The following MARCHF3 variants were observed in gnomAD, a reference collection of about 807,000 sequenced individuals.
MARCHF3 encodes the protein E3 ubiquitin-protein ligase MARCHF3.
Under a neutral mutation model 24.2 loss-of-function variants are expected in MARCHF3, and 13 were observed. The observed-to-expected ratio is 0.54, with a 90% CI of 0.35 to 0.85. The LOEUF (loss-of-function observed/expected upper bound fraction) is 0.85. Ranked by LOEUF, MARCHF3 falls within the 40% of genes least tolerant of loss-of-function variation. The pLI is 0.01. For missense variants in MARCHF3, 276 were observed against 325.0 expected (o/e 0.85, Z 1.16); for synonymous variants, 144 against 137.3 (o/e 1.05, Z -0.34).
At chr5:127,018,770 G>C (rs1011240139) in intron 1 of MARCHF3, among the ~76,000 whole-genome samples, 2 of 152,212 alleles carry the variant, frequency 1.3e-5, no homozygotes, top group Non-Finnish European at 2.9e-5. Flanking sequence ...TCTTGGGATT[G>C]TCTTCCAAGC....
At chr5:127,005,361 C>G (rs1752272079) in intron 1 of MARCHF3, among the ~76,000 whole-genome samples, 1 of 151,988 alleles carries the variant, frequency 6.6e-6, no homozygotes, top group South Asian at 2.1e-4. Flanking sequence ...GTCTTGAACT[C>G]CTGGTGTCAA....
chr5:126,871,245 C>G (rs1250682140), intron 4 of MARCHF3, among the ~76,000 whole-genome samples: 1 of 152,186 alleles, frequency 6.6e-6, no homozygotes, highest in Non-Finnish European at 1.5e-5. Context: ...CTGCACAACT[C>G]AAAGGATCCC....
At chr5:126,885,631 ATC>A (rs1009936094) in intron 3 of MARCHF3, among the ~76,000 whole-genome samples, 7 of 152,196 alleles carry the variant, frequency 4.6e-5, no homozygotes, top group African/African-American at 1.7e-4. Context: ...ATGAATAAAC[ATC>A]TGAGATGCCA....
intron 1 of MARCHF3, among the ~76,000 whole-genome samples, chr5:126,992,766 A>ATTTTTTTTTTTTTTTTTTTTTTT (rs757479478): frequency 5.2e-5 from 5 of 95,504 alleles, no homozygotes; most frequent in East Asian, 3.3e-4. Flanking sequence ...CATCCACGTG[A>ATTTTTTTTTTTTTTTTTTTTTTT]TTTTTTTTTT....
chr5:127,012,637 CTA>C (rs1752508296), intron 1 of MARCHF3, among the ~76,000 whole-genome samples: 1 of 152,108 alleles, frequency 6.6e-6, no homozygotes, highest in African/African-American at 2.4e-5. Flanking sequence ...TTAGGTAAAA[CTA>C]TGGGCAAAAA....
chr5:126,939,749 A>G (rs1440590644), intron 1 of MARCHF3, among the ~76,000 whole-genome samples: 1 of 152,154 alleles, frequency 6.6e-6, no homozygotes, highest in African/African-American at 2.4e-5. Context: ...TCTTAGAGAA[A>G]ATGCAGGATT....
intron 3 of MARCHF3, among the ~76,000 whole-genome samples, chr5:126,892,819 G>A (rs1157218168): frequency 6.6e-6 from 1 of 150,816 alleles, no homozygotes; most frequent in African/African-American, 2.5e-5. Context: ...GAGTTAGGGA[G>A]GATTCCCTCT....
At chr5:126,956,679 A>G (rs1750459282) in intron 1 of MARCHF3, among the ~76,000 whole-genome samples, 1 of 150,690 alleles carries the variant, frequency 6.6e-6, no homozygotes, top group African/African-American at 2.4e-5. Context: ...AAACCAAAAA[A>G]ACAACAACAA....
chr5:126,970,064 T>C (rs1750951273), intron 1 of MARCHF3, among the ~76,000 whole-genome samples: 1 of 152,044 alleles, frequency 6.6e-6, no homozygotes. Context: ...GCTTATGCTC[T>C]TTTTCTTCTT....
At chr5:127,029,509 G>GA (rs2126869013) in intron 1 of MARCHF3, among the ~76,000 whole-genome samples, 1 of 152,258 alleles carries the variant, frequency 6.6e-6, no homozygotes, top group South Asian at 2.1e-4. Flanking sequence ...ATTAAGGGGG[G>GA]AAAACAATCT....
intron 1 of MARCHF3, among the ~76,000 whole-genome samples, chr5:126,987,419 G>A (rs145638368): frequency 5.9e-5 from 9 of 152,324 alleles, no homozygotes; most frequent in Non-Finnish European, 1.0e-4. Context: ...CTGCTGGCCT[G>A]TGCTATGAAT....
intron 1 of MARCHF3, among the ~76,000 whole-genome samples, chr5:126,970,228 C>T (rs1285746476): frequency 5.9e-5 from 9 of 152,064 alleles, no homozygotes; most frequent in African/African-American, 9.7e-5. Context: ...GCTGGGATTA[C>T]GGGCACATGC....
At chr5:126,962,813 C>CTG (rs60754212) in intron 1 of MARCHF3, among the ~76,000 whole-genome samples, 2,272 of 110,020 alleles carry the variant, frequency 0.021, 55 homozygotes, top group African/African-American at 0.064. Flanking sequence ...AATACTCAAC[C>CTG]TGTGTGTGTG....
At chr5:126,951,954 A>T (rs1390800998) in intron 1 of MARCHF3, among the ~76,000 whole-genome samples, 1 of 151,904 alleles carries the variant, frequency 6.6e-6, no homozygotes, top group Non-Finnish European at 1.5e-5. Context: ...TCAAGCGATT[A>T]ATCTGCCTCA....
intron 3 of MARCHF3, among the ~76,000 whole-genome samples, chr5:126,910,914 G>C (rs1476328747): frequency 2.6e-5 from 4 of 152,180 alleles, no homozygotes; most frequent in Non-Finnish European, 5.9e-5. Flanking sequence ...TTCTCAGCAA[G>C]GAACATCCCT....
intron 3 of MARCHF3, among the ~76,000 whole-genome samples, chr5:126,907,994 G>T (rs1754364608): frequency 1.3e-5 from 2 of 151,820 alleles, no homozygotes; most frequent in South Asian, 2.1e-4. Flanking sequence ...CTTCCTTCAG[G>T]AGCTCTTTTA....
At chr5:126,913,539 G>A (rs1259138523) in intron 3 of MARCHF3, among the ~76,000 whole-genome samples, 3 of 152,206 alleles carry the variant, frequency 2.0e-5, no homozygotes, top group Non-Finnish European at 4.4e-5. Context: ...TTCTGAATAT[G>A]AATTTCTGAA....
intron 3 of MARCHF3, among the ~76,000 whole-genome samples, chr5:126,887,014 A>C (rs577705800): frequency 6.6e-6 from 1 of 152,254 alleles, no homozygotes; most frequent in African/African-American, 2.4e-5. Context: ...TTTTACCTAA[A>C]AGATGGTACC....
At chr5:126,912,360 T>C (rs1349035714) in intron 3 of MARCHF3, among the ~76,000 whole-genome samples, 1 of 152,184 alleles carries the variant, frequency 6.6e-6, no homozygotes, top group Non-Finnish European at 1.5e-5. Context: ...ACAAATAAAA[T>C]TTATAAATGA....
Sources: allele counts gnomAD v4.1 joint callset (sites outside exome capture counted in the v4.1 genomes callset), GRCh38; gene constraint gnomAD v4.1.1; transcripts MANE v1.5; gene names NCBI Gene and HGNC (gene_info 2026-07-23, HGNC 2026-07-21).